Variants in RADIL observed in about 807,000 individuals in gnomAD.
RADIL encodes Rap associating with DIL domain, also known as ras-associating and dilute domain-containing protein.
A neutral mutation model predicts 97.6 loss-of-function variants in RADIL; 99 were observed. The observed-to-expected ratio is 1.01, with a 90% CI of 0.86 to 1.20. The LOEUF is 1.20. Among genes scored for constraint, RADIL ranks in the 50% most tolerant of loss-of-function variants. The pLI is 0.00. For synonymous variants in RADIL, 803 were observed against 691.8 expected (o/e 1.16, Z -2.52); for missense variants, 1,765 against 1,498.9 (o/e 1.18, Z -2.93).
Position 4,815,354 on chromosome 7 carries a change from GCC to G in RADIL, c.2061_2062del (p.Ala688GlyfsTer153). On this transcript the variant is annotated frameshift_variant, in exon 9 of 15. Coordinates refer to ENST00000399583, the MANE Select transcript of RADIL (RefSeq NM_018059.5). LOFTEE classifies it high-confidence loss of function. This position sits in a 1 kb window ranked among gnomAD's most constrained non-coding sequence, Gnocchi z 8.0. ...CTTCTGGAAGAAGTGCTCTCCAGCCGCCCCGAAGCCGGCGCTCCGCATCCACT... is the reference window on the plus strand; with the variant it reads ...CTTCTGGAAGAAGTGCTCTCCAGCCGCCGAAGCCGGCGCTCCGCATCCACT... The G allele has an allele frequency of 6.4e-7, 1 of 1,557,928 alleles. No individual in the cohort carries two copies. The highest frequency in any genetic ancestry group is 8.7e-7 in the Non-Finnish European group (1 of 1,151,888).
intron 2 of RADIL, among the ~76,000 whole-genome samples, chr7:4,869,868 T>C (rs10255509): frequency 0.12 from 18,487 of 152,120 alleles, 2,198 homozygotes; most frequent in African/African-American, 0.31. Flanking sequence ...CAGTGGCTCG[T>C]ACCTGAAATC....
chr7:4,815,558 A>T lies in RADIL; in HGVS notation c.1967-108T>A. The T allele has an allele frequency of 2.5e-6, 3 of 1,214,426 alleles. No homozygotes were observed. The highest frequency in any genetic ancestry group is 5.6e-4 in the Middle Eastern group (2 of 3,584). 75.2% of individuals were successfully genotyped at this position (1,214,426 alleles called of 1,614,324 possible). On this transcript the variant is annotated intron_variant, in intron 8 of 14. Transcript: ENST00000399583. This position sits in a 1 kb window ranked among gnomAD's most constrained non-coding sequence, Gnocchi z 8.0. ...TTCCCGGCTCTGGGCCACTGAGGAC[A>T]TCACAGCTCGATGACAGGCAGGACA...
intron 5 of RADIL, among the ~76,000 whole-genome samples, chr7:4,831,557 A>C (rs1413385683): frequency 2.0e-5 from 3 of 149,982 alleles, no homozygotes; most frequent in Non-Finnish European, 4.4e-5. Flanking sequence ...TAAATAAACT[A>C]ATAAAATTGT....
intron 2 of RADIL, among the ~76,000 whole-genome samples, chr7:4,862,371 T>A (rs1784036087): frequency 6.6e-6 from 1 of 152,170 alleles, no homozygotes; most frequent in South Asian, 2.1e-4. Context: ...AGCTTCTGTC[T>A]TGTTTCTTGG....
At chr7:4,809,272 G>A in intron 9 of RADIL, 1 of 985,338 alleles carries the variant, frequency 1.0e-6, no homozygotes, top group Non-Finnish European at 1.2e-6. Context: ...GAGAGGCCGG[G>A]GCCCCCCTTC....
At position 4,821,038 on chromosome 7, in the gene RADIL, G is replaced by A. The variant is rs987225769; in HGVS notation, c.1615+1356C>T. On this transcript the variant is annotated intron_variant, in intron 6 of 14. Transcript: ENST00000399583. This position sits in a 1 kb window ranked among gnomAD's most constrained non-coding sequence, Gnocchi z 5.2. ...CAGCCACAGCCACAGCCCCCTCCCA[G>A]GGATGGGGACACAGCTGAGTACACA... Among the ~76,000 whole-genome samples the A allele has an allele frequency of 1.3e-5, 2 of 152,204 alleles. No homozygotes were observed.
In RADIL at chr7:4,799,727, G is replaced by A. The variant is rs775753951; in HGVS notation, c.3025C>T (p.Leu1009Phe). 1.3e-6 allele frequency: 2 copies of A among 1,562,364 alleles called. No individual in the cohort carries two copies. The highest frequency in any genetic ancestry group is 1.7e-6 in the Non-Finnish European group (2 of 1,157,318). The change falls in exon 14 of 15, where the codon CTC becomes TTC. Residue 1009 changes from leucine (L) to phenylalanine (F), a missense_variant. Physicochemically the swap from Leu to Phe is conservative, Grantham distance 22 (BLOSUM62 0). Transcript: ENST00000399583. ...GAPGLYIQTL[L>F]PGSPAAADGR... ...TCGGCCGCTGCGGGGCTGCCCGGGA[G>A]CAGGGTCTGGATGTAGAGCCCGGGG...
chr7:4,851,104 C>G (rs1410615264), intron 2 of RADIL, among the ~76,000 whole-genome samples: 1 of 151,612 alleles, frequency 6.6e-6, no homozygotes, highest in Non-Finnish European at 1.5e-5. Context: ...ACTTAGGAGG[C>G]TGAGGCAGGA....
chr7:4,808,199 C>T (rs776229843), intron 9 of RADIL, among the ~76,000 whole-genome samples: 2 of 146,584 alleles, frequency 1.4e-5, no homozygotes, highest in Non-Finnish European at 3.0e-5. Flanking sequence ...TTCTTACTCT[C>T]CTCCCTACCC....
intron 8 of RADIL, among the ~76,000 whole-genome samples, 179 bp downstream of exon 8, chr7:4,816,049 G>A (rs1385289467): frequency 6.6e-6 from 1 of 152,142 alleles, no homozygotes; most frequent in Non-Finnish European, 1.5e-5. Context: ...TACGGGATGC[G>A]CTGTGCTGAT....
chr7:4,801,821 C>G lies in RADIL; in HGVS notation c.2674G>C (p.Ala892Pro), dbSNP rs142212641. The change falls in exon 12 of 15, where the codon GCT (alanine) becomes CCT (proline). Residue 892 changes from alanine to proline, a missense_variant. Ala to Pro is a conservative substitution (Grantham distance 27). Coordinates refer to ENST00000399583, the MANE Select transcript of RADIL (RefSeq NM_018059.5). ...GACGAGTCCGTGTGCGGGGGGCCAG[C>G]CTGGGAGCCCCCACGGCTGGGTTGC... ...GRQPSRGGSQAGPPHTDSSCL... is the reference protein window; with the variant it reads ...GRQPSRGGSQPGPPHTDSSCL... 37,146 of 1,606,940 alleles carry G rather than the reference C, an allele frequency of 0.023. 580 individuals carry two copies. The highest frequency in any genetic ancestry group is 0.025 in the Non-Finnish European group (29,471 of 1,177,508).
intron 2 of RADIL, among the ~76,000 whole-genome samples, chr7:4,852,489 C>T (rs992076191): frequency 1.3e-5 from 2 of 152,164 alleles, no homozygotes; most frequent in African/African-American, 4.8e-5. Context: ...AGCTCTGTTG[C>T]CCAGGCTGGA....
Position 4,833,738 on chromosome 7 carries a change from AC to A in RADIL, c.1416+868del, listed in dbSNP as rs1783212376. Among the ~76,000 whole-genome samples, 3 of 152,248 alleles carry A rather than the reference AC, an allele frequency of 2.0e-5. No homozygotes were observed. In the South Asian group the frequency reaches 6.2e-4, roughly 32 times the overall value. ...TCTGAGGGTCTCTGAACGAACTTGA[AC>A]AACTACGAGTTGTCCTTCGGGTCCC... On this transcript the variant is annotated intron_variant, in intron 4 of 14. Coordinates refer to ENST00000399583, the MANE Select transcript of RADIL (RefSeq NM_018059.5).
Position 4,818,828 on chromosome 7 carries a change from A to G in RADIL, c.1616-1477T>C, listed in dbSNP as rs554301594. ...TGGGAAGAGGGAAACGGGGCATGGG[A>G]ATGACAGGAGAAGGTGGCAGGGACT... On this transcript the variant is annotated intron_variant, in intron 6 of 14. Coordinates refer to ENST00000399583, the MANE Select transcript of RADIL (RefSeq NM_018059.5). This position sits in a 1 kb window ranked among gnomAD's most constrained non-coding sequence, Gnocchi z 7.1. Among the ~76,000 whole-genome samples the G allele has an allele frequency of 6.6e-6, 1 of 152,200 alleles. No individual in the cohort carries two copies. Among genetic ancestry groups the G allele is most frequent in the African/African-American group, 2.4e-5 (1 of 41,520 alleles).
chr7:4,831,604 G>A (rs1448427769), intron 5 of RADIL, among the ~76,000 whole-genome samples: 4 of 146,300 alleles, frequency 2.7e-5, no homozygotes, highest in Non-Finnish European at 6.0e-5. Flanking sequence ...AAAAAGCCAG[G>A]CACAGTGGCT....
rs1782826181 is a variant in RADIL, at chr7:4,821,379, C to T, written c.1615+1015G>A. On this transcript the variant is annotated intron_variant, in intron 6 of 14. Coordinates refer to ENST00000399583, the MANE Select transcript of RADIL (RefSeq NM_018059.5). The surrounding 1 kb of genome is among the most constrained non-coding windows in gnomAD (Gnocchi z 5.2). ...CCGGCTCCTCACTTCCGCAGCACAG[C>T]AGCACAGTCCTGCTGCCCCGTCTGG... Among the ~76,000 whole-genome samples the T allele has an allele frequency of 1.3e-5, 2 of 152,202 alleles. No homozygotes were observed. The highest frequency in any genetic ancestry group is 2.4e-5 in the African/African-American group (1 of 41,454).
Position 4,822,528 on chromosome 7 carries a change from C to T in RADIL, c.1481G>A (p.Cys494Tyr). ...QLQEPISLASCAMADLVPDLQ... is the reference protein window; with the variant it reads ...QLQEPISLASYAMADLVPDLQ... ...GTCTGGAACCAGATCAGCCATGGCG[C>T]AGCTGGCCAGCGAGATGGGCTCCTG... The change falls in exon 6 of 15, where the codon TGC (cysteine) becomes TAC (tyrosine). Residue 494 changes from cysteine (C) to tyrosine (Y), a missense_variant. Coordinates refer to ENST00000399583, the MANE Select transcript of RADIL (RefSeq NM_018059.5). This position sits in a 1 kb window ranked among gnomAD's most constrained non-coding sequence, Gnocchi z 5.3. 1 of 1,613,012 alleles carries T rather than the reference C, an allele frequency of 6.2e-7. No homozygotes were observed.
chr7:4,816,986 G>T (rs1473325004), intron 7 of RADIL, among the ~76,000 whole-genome samples: 1 of 152,192 alleles, frequency 6.6e-6, no homozygotes, highest in Non-Finnish European at 1.5e-5. Context: ...GGCAGGAAGG[G>T]GGCGTTTCAA....
chr7:4,828,946 A>C (rs1482614159), intron 5 of RADIL, among the ~76,000 whole-genome samples: 1 of 152,074 alleles, frequency 6.6e-6, no homozygotes, highest in Non-Finnish European at 1.5e-5. Flanking sequence ...ACTGGGGTGG[A>C]AGGTTCCAGT....
Sources: allele counts gnomAD v4.1 joint callset (sites outside exome capture counted in the v4.1 genomes callset), GRCh38; gene constraint gnomAD v4.1.1; non-coding constraint Gnocchi (gnomAD v3.1); transcripts MANE v1.5; gene names NCBI Gene and HGNC (gene_info 2026-07-23, HGNC 2026-07-21).